UBAC2: variants seen among roughly 807,000 people sequenced by gnomAD.
UBAC2 encodes UBA domain containing 2.
A neutral mutation model predicts 44.0 loss-of-function variants in UBAC2; 26 were observed. That is an observed-to-expected ratio of 0.59 (90% CI 0.43 to 0.82). The LOEUF is 0.82. Ranked by LOEUF, UBAC2 falls within the 40% of genes least tolerant of loss-of-function variation. UBAC2 has a pLI of 0.00. For missense variants in UBAC2, 329 were observed against 419.4 expected, an observed-to-expected ratio of 0.78 and a Z score of 1.88; for synonymous variants, 155 against 154.3, an observed-to-expected ratio of 1.00 and a Z score of -0.04.
intron 4 of UBAC2, chr13:99,256,309 A>C (rs1475988982): frequency 6.5e-6 from 1 of 154,426 alleles, no homozygotes; most frequent in Non-Finnish European, 1.4e-5. Flanking sequence ...AAGTGGAAAC[A>C]CTTCATAATA....
At chr13:99,353,100 G>A (rs1443976927) in intron 7 of UBAC2, among the ~76,000 whole-genome samples, 1 of 152,190 alleles carries the variant, frequency 6.6e-6, no homozygotes, top group Non-Finnish European at 1.5e-5. Context: ...ATGCTTCCTT[G>A]TCAACAAAGC....
At chr13:99,275,201 A>C (rs1419318174) in intron 4 of UBAC2, among the ~76,000 whole-genome samples, 1 of 152,140 alleles carries the variant, frequency 6.6e-6, no homozygotes, top group Admixed American at 6.5e-5. Context: ...AGAGTCTCTC[A>C]TGTGGTTGTA....
intron 7 of UBAC2, among the ~76,000 whole-genome samples, chr13:99,352,599 C>A (rs1039132530): frequency 6.6e-6 from 1 of 152,172 alleles, no homozygotes; most frequent in Non-Finnish European, 1.5e-5. Flanking sequence ...ACTGCCCCTT[C>A]ATCAGGCCAG....
At chr13:99,331,659 C>G (rs2044717648) in intron 6 of UBAC2, among the ~76,000 whole-genome samples, 1 of 152,216 alleles carries the variant, frequency 6.6e-6, no homozygotes, top group South Asian at 2.1e-4. Flanking sequence ...ATGGTTCTGT[C>G]TGTCATGAAA....
At chr13:99,376,090 A>C (rs2045476921) in intron 8 of UBAC2, among the ~76,000 whole-genome samples, 1 of 152,202 alleles carries the variant, frequency 6.6e-6, no homozygotes, top group African/African-American at 2.4e-5. Flanking sequence ...AAAAATAAAA[A>C]ATAAGGAAAG....
chr13:99,295,815 A>G lies in UBAC2; in HGVS notation c.390-18282A>G. 6.2e-7 allele frequency: 1 copy of G among 1,610,014 alleles called. No individual in the cohort carries two copies. Among genetic ancestry groups the G allele is most frequent in the Non-Finnish European group, 8.5e-7 (1 of 1,177,186 alleles). Reference sequence around the variant, plus strand: ...ACACCTGCATATGTGTTGATGTAAAACACTAGCGCAGTTATCCTACACAAG... The same window carrying G: ...ACACCTGCATATGTGTTGATGTAAAGCACTAGCGCAGTTATCCTACACAAG... On this transcript the variant is annotated intron_variant, in intron 4 of 8. Transcript: ENST00000403766. This position sits in a 1 kb window ranked among gnomAD's most constrained non-coding sequence, Gnocchi z 4.1.
intron 1 of UBAC2, among the ~76,000 whole-genome samples, chr13:99,225,904 TA>T (rs1181065269): frequency 6.6e-6 from 1 of 152,228 alleles, no homozygotes; most frequent in African/African-American, 2.4e-5. Context: ...TTAGTGGCAC[TA>T]AAAATAATGG....
intron 4 of UBAC2, among the ~76,000 whole-genome samples, chr13:99,282,223 C>CT (rs1353575814): frequency 8.5e-6 from 1 of 117,822 alleles, no homozygotes; most frequent in Non-Finnish European, 1.8e-5. Flanking sequence ...CCAAATGACA[C>CT]TTGGGGGGCA....
intron 6 of UBAC2, among the ~76,000 whole-genome samples, chr13:99,324,861 A>G (rs2044616598): frequency 6.6e-6 from 1 of 152,226 alleles, no homozygotes; most frequent in Non-Finnish European, 1.5e-5. Context: ...TCATGGTGCC[A>G]GAACACTTGA....
chr13:99,273,053 T>C (rs1006937140), intron 4 of UBAC2, among the ~76,000 whole-genome samples: 2 of 152,086 alleles, frequency 1.3e-5, no homozygotes, highest in East Asian at 3.8e-4. Context: ...TATTCTTCTG[T>C]ATAAATTTTA....
At chr13:99,261,830 A>G (rs185959565) in intron 4 of UBAC2, 1 of 152,436 alleles carries the variant, frequency 6.6e-6, no homozygotes, top group East Asian at 1.9e-4. Context: ...TCTGCTGCAC[A>G]TTCTGATCTC....
intron 7 of UBAC2, among the ~76,000 whole-genome samples, chr13:99,347,192 A>AG (rs200908851): frequency 3.2e-5 from 4 of 125,212 alleles, no homozygotes; most frequent in Non-Finnish European, 7.7e-5. Flanking sequence ...GAGTGCAAAG[A>AG]GGGAAAAAAA....
At position 99,219,313 on chromosome 13, in the gene UBAC2, C is replaced by T. The variant is rs186370244; in HGVS notation, c.31+18374C>T. On this transcript the variant is annotated intron_variant, in intron 1 of 8. Coordinates refer to ENST00000403766, the MANE Select transcript of UBAC2 (RefSeq NM_001144072.2). ...AGGCCTGTGGTTAGTGTCTCCAGTACCCAAAAGATACATATTTTTATTCAG... is the reference window on the plus strand; with the variant it reads ...AGGCCTGTGGTTAGTGTCTCCAGTATCCAAAAGATACATATTTTTATTCAG... 2.5e-3 allele frequency among the ~76,000 whole-genome samples: 375 copies of T among 152,274 alleles called. 1 individual carries two copies. The highest frequency in any genetic ancestry group is 4.3e-3 in the Non-Finnish European group (292 of 68,008).
intron 6 of UBAC2, among the ~76,000 whole-genome samples, chr13:99,321,391 C>A (rs1260141638): frequency 6.6e-6 from 1 of 152,162 alleles, no homozygotes; most frequent in East Asian, 1.9e-4. Context: ...TCACTGCAAC[C>A]ACTGCCTCCC....
chr13:99,263,187 G>T (rs1258105983), intron 4 of UBAC2, among the ~76,000 whole-genome samples: 1 of 152,126 alleles, frequency 6.6e-6, no homozygotes, highest in East Asian at 1.9e-4. Context: ...ATGGTAATTT[G>T]ACTTATAGCA....
intron 4 of UBAC2, chr13:99,255,941 CGTT>C (rs1209709706): frequency 7.1e-7 from 1 of 1,408,616 alleles, no homozygotes; most frequent in African/African-American, 1.4e-5. Context: ...AGAATAAAAT[CGTT>C]GGTTAAAAAA....
intron 4 of UBAC2, among the ~76,000 whole-genome samples, chr13:99,247,219 G>T (rs368278575): frequency 2.7e-4 from 39 of 145,666 alleles, no homozygotes; most frequent in South Asian, 2.2e-4. Flanking sequence ...GTTTTGTTTT[G>T]TTTTGTTTTT....
chr13:99,378,187 A>G (rs546241007), intron 8 of UBAC2, among the ~76,000 whole-genome samples: 2 of 152,238 alleles, frequency 1.3e-5, no homozygotes, highest in East Asian at 1.9e-4. Flanking sequence ...CTATTTCACC[A>G]TGGGTCAGTT....
chr13:99,357,778 C>A (rs908189552), intron 7 of UBAC2, among the ~76,000 whole-genome samples: 4 of 152,214 alleles, frequency 2.6e-5, no homozygotes, highest in Non-Finnish European at 5.9e-5. Context: ...TTCCACCCCG[C>A]CTTCATTAGT....
Sources: allele counts gnomAD v4.1 joint callset (sites outside exome capture counted in the v4.1 genomes callset), GRCh38; gene constraint gnomAD v4.1.1; non-coding constraint Gnocchi (gnomAD v3.1); transcripts MANE v1.5; gene names NCBI Gene and HGNC (gene_info 2026-07-23, HGNC 2026-07-21).